The following FUT8 variants were observed in gnomAD, a reference collection of about 807,000 sequenced individuals.
The protein encoded by FUT8 is alpha-(1,6)-fucosyltransferase.
FUT8 carries 29 observed loss-of-function variants against 71.3 expected under a neutral mutation model. The observed-to-expected ratio is 0.41, with a 90% confidence interval of 0.30 to 0.55. The LOEUF is 0.55. FUT8 is among the 20% of genes least tolerant of loss of function. The pLI is 0.34. For missense variants in FUT8, 544 were observed against 702.1 expected (o/e 0.77, Z 2.55); for synonymous variants, 254 against 239.3 (o/e 1.06, Z -0.57).
chr14:65,514,796 G>T, intron 2 of FUT8, among the ~76,000 whole-genome samples: 1 of 151,872 alleles, frequency 6.6e-6, no homozygotes, highest in East Asian at 1.9e-4. Flanking sequence ...AAGCTGGTGC[G>T]CTGCACCCAC....
At chr14:65,691,800 ACT>A (rs1381798780) in intron 7 of FUT8, among the ~76,000 whole-genome samples, 1 of 151,542 alleles carries the variant, frequency 6.6e-6, no homozygotes, top group East Asian at 1.9e-4. Context: ...AGTGGTGATG[ACT>A]CTTAACGAGC....
chr14:65,639,796 A>G (rs1033997098), intron 6 of FUT8, among the ~76,000 whole-genome samples: 1 of 152,090 alleles, frequency 6.6e-6, no homozygotes, highest in South Asian at 2.1e-4. Flanking sequence ...TACCATCTCT[A>G]GGTTCATTTT....
Position 65,456,847 on chromosome 14 carries a change from T to C in FUT8, c.-228+1129T>C, listed in dbSNP as rs183868790. On this transcript the variant is annotated intron_variant, in intron 2 of 10. Transcript: ENST00000673929. ...GAGATCACACCATTGCACTCTAGTC[T>C]GGTGACAGAGTGAGACTCTGTCTCA... is the stretch of plus-strand genomic sequence containing the variant. Among the ~76,000 whole-genome samples, 1,076 of 150,432 alleles carry C rather than the reference T, an allele frequency of 7.2e-3. 12 individuals are homozygous for C. The highest frequency in any genetic ancestry group is 0.024 in the African/African-American group (975 of 40,740).
At chr14:65,620,968 G>A (rs555120424) in intron 5 of FUT8, among the ~76,000 whole-genome samples, 5 of 152,114 alleles carry the variant, frequency 3.3e-5, no homozygotes, top group African/African-American at 7.2e-5. Context: ...ATTCTTCATC[G>A]CCTGTAATGG....
Position 65,447,103 on chromosome 14 carries a change from T to G in FUT8, c.-325-8518T>G, listed in dbSNP as rs192846678. On this transcript the variant is annotated intron_variant, in intron 1 of 10. Transcript: ENST00000673929. Reference sequence around the variant, plus strand: ...CTTTCTTTATTTTCATGTTTTTCCCTTCTGGGTGGTGAAATCTGGTCTCTA... The same window carrying G: ...CTTTCTTTATTTTCATGTTTTTCCCGTCTGGGTGGTGAAATCTGGTCTCTA... 7.7e-4 allele frequency among the ~76,000 whole-genome samples: 117 copies of G among 152,142 alleles called. No homozygotes were observed. The Middle Eastern group carries it at 0.02, about 27-fold the overall frequency.
intron 3 of FUT8, among the ~76,000 whole-genome samples, chr14:65,600,515 A>T (rs1452233797): frequency 1.3e-5 from 2 of 152,216 alleles, no homozygotes; most frequent in East Asian, 1.9e-4. Context: ...TTATAGAAAC[A>T]ACTTACATTT....
At chr14:65,358,416 G>A in the FUT8 span, among the ~76,000 whole-genome samples, 1 of 152,062 alleles carries the variant, frequency 6.6e-6, no homozygotes, top group African/African-American at 2.4e-5. Flanking sequence ...GTACAAAAAT[G>A]TTGAAAACTA....
At chr14:65,487,989 G>A (rs1399435284) in intron 2 of FUT8, among the ~76,000 whole-genome samples, 1 of 151,992 alleles carries the variant, frequency 6.6e-6, no homozygotes. Context: ...CACCACGTCT[G>A]GCTAAAAATT....
chr14:65,591,576 G>A (rs1299795200), intron 3 of FUT8, among the ~76,000 whole-genome samples: 3 of 152,072 alleles, frequency 2.0e-5, no homozygotes, highest in South Asian at 4.1e-4. Flanking sequence ...TGGATGAAAG[G>A]CAGGTAAGTT....
chr14:65,430,378 C>A (rs756342259), intron 1 of FUT8: 3 of 152,014 alleles, frequency 2.0e-5, no homozygotes, highest in Non-Finnish European at 4.4e-5. Context: ...TTAAAAGTCC[C>A]ACTGAATTTT....
intron 1 of FUT8, among the ~76,000 whole-genome samples, chr14:65,436,723 T>C (rs12892058): frequency 0.35 from 52,694 of 152,028 alleles, 11,396 homozygotes; most frequent in Non-Finnish European, 0.48. Flanking sequence ...CTCAACTGTA[T>C]CACACAATTC....
intron 6 of FUT8, among the ~76,000 whole-genome samples, chr14:65,658,054 T>C (rs750414601): frequency 6.6e-6 from 1 of 152,126 alleles, no homozygotes; most frequent in Non-Finnish European, 1.5e-5. Flanking sequence ...GAGAAATCTT[T>C]GCAAATCACA....
chr14:65,676,830 C>G (rs894659785), intron 7 of FUT8, among the ~76,000 whole-genome samples: 1 of 152,110 alleles, frequency 6.6e-6, no homozygotes, highest in African/African-American at 2.4e-5. Context: ...AGTGATTCTA[C>G]AAACAAGATA....
intron 2 of FUT8, among the ~76,000 whole-genome samples, chr14:65,533,613 G>C (rs572221235): frequency 6.6e-6 from 1 of 152,066 alleles, no homozygotes; most frequent in South Asian, 2.1e-4. Context: ...GTGATAGTTT[G>C]ACTTATGCCC....
chr14:65,624,465 G>C (rs1889789614), intron 5 of FUT8, among the ~76,000 whole-genome samples: 2 of 152,140 alleles, frequency 1.3e-5, no homozygotes, highest in South Asian at 4.1e-4. Context: ...ATTCACAATG[G>C]TAAAGGAATG....
chr14:65,557,700 C>T (rs1236388969), intron 2 of FUT8, among the ~76,000 whole-genome samples: 4 of 151,370 alleles, frequency 2.6e-5, no homozygotes, highest in Admixed American at 6.6e-5. Context: ...AATCCTGGCA[C>T]ATTTCAGTAC....
In FUT8 at chr14:65,635,647, C is replaced by T. The variant is rs149815562; in HGVS notation, c.597+6041C>T. On this transcript the variant is annotated intron_variant, in intron 6 of 10. Coordinates refer to ENST00000673929, the MANE Select transcript of FUT8 (RefSeq NM_001371533.1). Reference sequence around the variant, plus strand: ...GTGGTGTATGACATTTATTGACTTGCGTATATTAAACCATCCCTGCATCCC... The same window carrying T: ...GTGGTGTATGACATTTATTGACTTGTGTATATTAAACCATCCCTGCATCCC... Among the ~76,000 whole-genome samples the T allele has an allele frequency of 5.2e-3, 787 of 152,146 alleles. 7 individuals are homozygous for T. Among genetic ancestry groups the T allele is most frequent in the African/African-American group, 0.018 (751 of 41,460 alleles).
rs1890068545 is a variant in FUT8 at position 65,629,553 on chromosome 14, A to G, written c.544A>G (p.Lys182Glu). The change falls in exon 6 of 11, where the codon AAA becomes GAA. Residue 182 changes from lysine (K) to glutamate (E), a missense_variant. Lys to Glu is a moderately conservative substitution (Grantham distance 56, BLOSUM62 1). Coordinates refer to ENST00000673929, the MANE Select transcript of FUT8 (RefSeq NM_001371533.1). ...AGATGGAGCAGGTGATTGGCGGGAA[A>G]AAGAGGCCAAAGATCTGACAGAACT... ...QTDGAGDWRE[K>E]EAKDLTELVQ... 6.2e-7 allele frequency: 1 copy of G among 1,613,760 alleles called. No individual in the cohort carries two copies. Among genetic ancestry groups the G allele is most frequent in the African/African-American group, 1.3e-5 (1 of 74,930 alleles).
intron 2 of FUT8, among the ~76,000 whole-genome samples, chr14:65,527,513 C>A (rs1883572036): frequency 6.6e-6 from 1 of 152,174 alleles, no homozygotes. Context: ...GTTTGAACTT[C>A]CTCCTTTAGC....
Sources: allele counts gnomAD v4.1 joint callset (sites outside exome capture counted in the v4.1 genomes callset), GRCh38; gene constraint gnomAD v4.1.1; transcripts MANE v1.5; gene names NCBI Gene and HGNC (gene_info 2026-07-23, HGNC 2026-07-21).